MAPK13: variants seen among roughly 807,000 people sequenced by gnomAD.
MAPK13 encodes the protein MAP kinase 13.
MAPK13 carries 39 observed loss-of-function variants against 53.5 expected under a neutral mutation model. That is an observed-to-expected ratio of 0.73 (90% CI 0.56 to 0.95). The LOEUF is 0.95. MAPK13 is among the 40% of genes least tolerant of loss of function. MAPK13 has a pLI of 0.00. For missense variants in MAPK13, 460 were observed against 471.8 expected, an observed-to-expected ratio of 0.98 and a Z score of 0.23; for synonymous variants, 179 against 190.9, an observed-to-expected ratio of 0.94 and a Z score of 0.51.
At chr6:36,135,593 A>T (rs1364193129) in intron 3 of MAPK13, among the ~76,000 whole-genome samples, 160 bp from the exon 4 acceptor site, 1 of 152,178 alleles carries the variant, frequency 6.6e-6, no homozygotes, top group African/African-American at 2.4e-5. Flanking sequence ...AGGAGCCCAG[A>T]GGCCCGTGTG....
At position 36,131,344 on chromosome 6, in the gene MAPK13, T is replaced by C; in HGVS notation, c.193T>C (p.Phe65Leu). 1.2e-6 allele frequency: 2 copies of C among 1,613,916 alleles called. No individual in the cohort carries two copies. The highest frequency in any genetic ancestry group is 1.7e-6 in the Non-Finnish European group (2 of 1,179,928). The change falls in exon 2 of 12, where the codon TTC becomes CTC. Residue 65 changes from phenylalanine to leucine, a missense_variant. Phe to Leu is a conservative substitution (Grantham distance 22). Coordinates refer to ENST00000211287, the MANE Select transcript of MAPK13 (RefSeq NM_002754.5). ...GAGCCGACCCTTTCAGTCCGAGATC[T>C]TCGCCAAGCGCGCCTACCGGGAGCT... ...KLSRPFQSEIFAKRAYRELLL... is the reference protein window; with the variant it reads ...KLSRPFQSEILAKRAYRELLL...
At chr6:36,134,062 G>A (rs1052379499) in intron 3 of MAPK13, among the ~76,000 whole-genome samples, 11 of 152,196 alleles carry the variant, frequency 7.2e-5, no homozygotes, top group African/African-American at 2.2e-4. Flanking sequence ...AGTGTGGACC[G>A]CCCTTTCTAG....
intron 8 of MAPK13, 57 bp downstream of exon 8, chr6:36,137,007 C>T: frequency 6.9e-7 from 1 of 1,442,502 alleles, no homozygotes; most frequent in Non-Finnish European, 9.7e-7. Context: ...TCAACAGACA[C>T]TTTATTTAAA....
At chr6:36,136,362 G>A in intron 5 of MAPK13, 122 bp from the exon 6 acceptor site, 1 of 810,610 alleles carries the variant, frequency 1.2e-6, no homozygotes, top group South Asian at 1.9e-5. Context: ...TTTTACACAT[G>A]AAGAAACTGA....
At chr6:36,134,189 G>T (rs1751661485) in intron 3 of MAPK13, among the ~76,000 whole-genome samples, 1 of 152,114 alleles carries the variant, frequency 6.6e-6, no homozygotes, top group African/African-American at 2.4e-5. Flanking sequence ...AAGAACCAGT[G>T]CCCGAGTGGA....
intron 3 of MAPK13, among the ~76,000 whole-genome samples, chr6:36,135,518 T>C (rs1766398838): frequency 6.6e-6 from 1 of 152,176 alleles, no homozygotes; most frequent in African/African-American, 2.4e-5. Flanking sequence ...CTGAGCGCGC[T>C]CCAACTGCAG....
intron 2 of MAPK13, among the ~76,000 whole-genome samples, chr6:36,131,913 C>A (rs1766331261): frequency 6.6e-6 from 1 of 152,184 alleles, no homozygotes; most frequent in Non-Finnish European, 1.5e-5. Flanking sequence ...AGTAGCAGAG[C>A]TGGGGTTTCA....
In MAPK13 at chr6:36,142,028, G is replaced by A. The variant is rs1766541643; in HGVS notation, c.*2655G>A. 1 of 152,324 alleles carries A rather than the reference G, an allele frequency of 6.6e-6. No homozygotes were observed. 9.4% of individuals were successfully genotyped at this position (152,324 alleles called of 1,614,324 possible). ...TCCTGAGAATTCTCACTGCCCCAAG[G>A]AAAAAGTCTAGCCTTCCTTCTTGGC... On this transcript the variant is annotated 3_prime_UTR_variant, in exon 12 of 12. Transcript: ENST00000211287. The surrounding 1 kb of genome is among the most constrained non-coding windows in gnomAD (Gnocchi z 4.4).
rs374263895 is a variant in MAPK13, at chr6:36,135,219, C to T, written c.309-534C>T. On this transcript the variant is annotated intron_variant, in intron 3 of 11. Transcript: ENST00000211287. ...ACTGTAACAGTTACATTTTGCTGGC[C>T]TTATCCTGTTGTGCAATCCCCTAAG... Among the ~76,000 whole-genome samples the T allele has an allele frequency of 1.0e-3, 156 of 152,248 alleles. 2 individuals are homozygous for T. The Middle Eastern group carries it at 0.014, about 13-fold the overall frequency.
chr6:36,132,346 C>A (rs1290793647), intron 2 of MAPK13, among the ~76,000 whole-genome samples: 1 of 152,194 alleles, frequency 6.6e-6, no homozygotes, highest in African/African-American at 2.4e-5. Flanking sequence ...GCCCTGACAC[C>A]AGACTTGACA....
In MAPK13 at chr6:36,136,688, C is replaced by T. The variant is rs762479045; in HGVS notation, c.528C>T (p.Asp176=). ...ATTTTGGGCTGGCGCGACATGCAGA[C>T]GCCGAGATGACTGGCTACGTGGTGA... The part of the protein sequence containing the change: ...ILDFGLARHA[D]AEMTGYVVTR... Residue 176 remains aspartate (D), a synonymous_variant, in exon 7 of 12, where the codon GAC becomes GAT. Coordinates refer to ENST00000211287, the MANE Select transcript of MAPK13 (RefSeq NM_002754.5). The T allele has an allele frequency of 1.1e-5, 17 of 1,613,930 alleles. No homozygotes were observed. Among genetic ancestry groups the T allele is most frequent in the South Asian group, 2.2e-5 (2 of 91,050 alleles).
chr6:36,136,351 A>G (rs1766416444), intron 5 of MAPK13, 133 bp from the exon 6 acceptor site: 2 of 764,146 alleles, frequency 2.6e-6, no homozygotes, highest in Admixed American at 2.9e-5. Flanking sequence ...TCCAACCCTC[A>G]TTTTACACAT....
chr6:36,136,195 C>A (rs1220826669), intron 5 of MAPK13, 147 bp downstream of exon 5: 2 of 951,868 alleles, frequency 2.1e-6, no homozygotes, highest in African/African-American at 3.3e-5. Context: ...CAGCCACGGC[C>A]CAGGAAGGCC....
Position 36,144,516 on chromosome 6 carries a change from T to G in MAPK13, c.*5143T>G, listed in dbSNP as rs571337770. On this transcript the variant is annotated 3_prime_UTR_variant, in exon 12 of 12. Transcript: ENST00000211287. Reference sequence around the variant, plus strand: ...TGACTGAAAATAAAGTTGTATTCTATTCCAATCCAAGTGCACAGACCCCTG... The same window carrying G: ...TGACTGAAAATAAAGTTGTATTCTAGTCCAATCCAAGTGCACAGACCCCTG... The G allele has an allele frequency of 6.6e-6, 1 of 152,374 alleles. No homozygotes were observed. Among genetic ancestry groups the G allele is most frequent in the South Asian group, 2.1e-4 (1 of 4,828 alleles). 9.4% of individuals were successfully genotyped at this position (152,374 alleles called of 1,614,324 possible). A position where few individuals can be genotyped will look rare whatever the true frequency, so the allele number is the denominator to read the frequency against.
chr6:36,132,760 T>C (rs1766346021), intron 3 of MAPK13, 81 bp downstream of exon 3: 9 of 1,484,914 alleles, frequency 6.1e-6, no homozygotes, highest in African/African-American at 5.5e-5. Context: ...GGGTCTAGGG[T>C]TTCTATTCCG....
chr6:36,138,435 C>A lies in MAPK13; in HGVS notation c.753C>A (p.Asn251Lys), dbSNP rs201112625. The change falls in exon 9 of 12, where the codon AAC becomes AAA. Residue 251 changes from asparagine (N) to lysine (K), a missense_variant. Coordinates refer to ENST00000211287, the MANE Select transcript of MAPK13 (RefSeq NM_002754.5). ...GCACGGAGTTTGTGCAGAAGCTGAA[C>A]GACAAAGCGGTGGGTGGTAAATGGG... The part of the protein sequence containing the change: ...VPGTEFVQKL[N>K]DKAAKSYIQS... 1 of 1,613,920 alleles carries A rather than the reference C, an allele frequency of 6.2e-7. No homozygotes were observed. Among genetic ancestry groups the A allele is most frequent in the Non-Finnish European group, 8.5e-7 (1 of 1,179,932 alleles).
chr6:36,138,560 C>G, intron 9 of MAPK13, 116 bp downstream of exon 9: 1 of 1,278,246 alleles, frequency 7.8e-7, no homozygotes. Context: ...CAGCATCCTC[C>G]TACCCTGGCA....
chr6:36,130,734 C>CGGG lies in MAPK13; in HGVS notation c.119+34_119+36dup, dbSNP rs748025462. The CGGG allele has an allele frequency of 2.0e-5, 13 of 646,392 alleles. No individual in the cohort carries two copies. Among genetic ancestry groups the CGGG allele is most frequent in the East Asian group, 9.8e-5 (1 of 10,192 alleles). The allele number at this position is 646,392 out of a possible 1,614,324, so 40.0% of individuals were successfully genotyped here. A position where few individuals can be genotyped will look rare whatever the true frequency, so the allele number is the denominator to read the frequency against. ...CCCTGGGCCGCTGGGGGGCGGGGGG[C>CGGG]GGGCGCCAGGCTCTCCCCTTTCCGC... is the stretch of plus-strand genomic sequence containing the variant. On this transcript the variant is annotated intron_variant, in intron 1 of 11. Coordinates refer to ENST00000211287, the MANE Select transcript of MAPK13 (RefSeq NM_002754.5). This position sits in a 1 kb window ranked among gnomAD's most constrained non-coding sequence, Gnocchi z 4.5.
In MAPK13 at chr6:36,130,638, G is replaced by T; in HGVS notation, c.56G>T (p.Trp19Leu). 6.3e-7 allele frequency: 1 copy of T among 1,584,982 alleles called. No individual in the cohort carries two copies. The highest frequency in any genetic ancestry group is 8.6e-7 in the Non-Finnish European group (1 of 1,168,300). Residue 19 changes from tryptophan to leucine, a missense_variant, in exon 1 of 12, where the codon TGG (tryptophan) becomes TTG (leucine). Transcript: ENST00000211287. This position sits in a 1 kb window ranked among gnomAD's most constrained non-coding sequence, Gnocchi z 4.5. The stretch of plus-strand genomic sequence containing the variant: ...AAGCAGGACGTCAACAAGACAGCCT[G>T]GGAGCTGCCCAAGACCTACGTGTCC... ...FYKQDVNKTA[W>L]ELPKTYVSPT... is the part of the protein sequence containing the mutation.
Sources: allele counts gnomAD v4.1 joint callset (sites outside exome capture counted in the v4.1 genomes callset), GRCh38; gene constraint gnomAD v4.1.1; non-coding constraint Gnocchi (gnomAD v3.1); transcripts MANE v1.5; gene names NCBI Gene and HGNC (gene_info 2026-07-23, HGNC 2026-07-21).